The following DOCK2 variants were observed in gnomAD, a reference collection of about 807,000 sequenced individuals.
DOCK2 encodes the protein dedicator of cytokinesis 2, also known as dedicator of cytokinesis protein 2.
A neutral mutation model predicts 248.9 loss-of-function variants in DOCK2; 87 were observed. The observed-to-expected ratio is 0.35, with a 90% CI of 0.29 to 0.42. DOCK2 has a LOEUF of 0.42. DOCK2 is among the 10% of genes least tolerant of loss of function. The probability of loss-of-function intolerance (pLI) is 1.00; values close to 1 mark genes in which losing one functional copy is unlikely to be tolerated. For missense variants in DOCK2, 1,747 were observed against 2,300.2 expected, an observed-to-expected ratio of 0.76 and a Z score of 4.92; for synonymous variants, 805 against 821.6, an observed-to-expected ratio of 0.98 and a Z score of 0.35.
chr5:169,942,797 A>T (rs1270240200), intron 27 of DOCK2, among the ~76,000 whole-genome samples: 1 of 152,180 alleles, frequency 6.6e-6, no homozygotes, highest in Non-Finnish European at 1.5e-5. Flanking sequence ...ACTGTCAGGA[A>T]CCTCAGTCTT....
chr5:169,789,019 T>A (rs951504449), intron 25 of DOCK2, among the ~76,000 whole-genome samples: 9 of 152,186 alleles, frequency 5.9e-5, no homozygotes, highest in African/African-American at 2.2e-4. Context: ...TAGACCCCAG[T>A]GAGGGTTGTT....
At position 169,974,821 on chromosome 5, in the gene DOCK2, A is replaced by G. The variant is rs528700143; in HGVS notation, c.2800-8247A>G. Among the ~76,000 whole-genome samples the G allele has an allele frequency of 2.0e-5, 3 of 151,896 alleles. No homozygotes were observed. In the South Asian group the frequency reaches 6.2e-4, roughly 32 times the overall value. Reference sequence around the variant, plus strand: ...TTCTGAACCTGTTCTTTTTGCAATCATATTTGTGACCCCCCTCCCCCCGAC... The same window carrying G: ...TTCTGAACCTGTTCTTTTTGCAATCGTATTTGTGACCCCCCTCCCCCCGAC... On this transcript the variant is annotated intron_variant, in intron 27 of 51. Transcript: ENST00000520908.
intron 6 of DOCK2, among the ~76,000 whole-genome samples, chr5:169,679,879 A>G (rs778640258): frequency 6.6e-6 from 1 of 152,128 alleles, no homozygotes; most frequent in Non-Finnish European, 1.5e-5. Flanking sequence ...AGTTTCCTTC[A>G]TTTGTCCTTG....
At chr5:169,749,379 G>T (rs1402191119) in intron 23 of DOCK2, among the ~76,000 whole-genome samples, 1 of 152,120 alleles carries the variant, frequency 6.6e-6, no homozygotes, top group Non-Finnish European at 1.5e-5. Context: ...TGGGTAAAAA[G>T]ACTTATGCCA....
chr5:169,767,794 A>G (rs186611438), intron 25 of DOCK2, among the ~76,000 whole-genome samples: 1 of 152,384 alleles, frequency 6.6e-6, no homozygotes. Flanking sequence ...GCTCTGTATC[A>G]GGTATTACAT....
At chr5:169,697,474 G>A (rs2112705) in intron 10 of DOCK2, among the ~76,000 whole-genome samples, 18,495 of 152,170 alleles carry the variant, frequency 0.12, 1,364 homozygotes, top group South Asian at 0.21. Flanking sequence ...CATCTCCATA[G>A]TCTTTACTCT....
rs1416925922 is a variant in DOCK2, at chr5:170,050,237, G to A, written c.4072-19G>A. On this transcript the variant is annotated intron_variant, in intron 40 of 51. Transcript: ENST00000520908. ...ACACCTGGGTCCCCAAATCTCTAAT[G>A]AGCATCCTTTCTCTGCAGAACAAAG... The A allele has an allele frequency of 6.2e-7, 1 of 1,612,412 alleles. No individual in the cohort carries two copies. The highest frequency in any genetic ancestry group is 1.7e-5 in the Admixed American group (1 of 59,902).
chr5:169,698,184 G>A (rs1372882995), intron 10 of DOCK2, among the ~76,000 whole-genome samples, 190 bp from the exon 11 acceptor site: 1 of 152,062 alleles, frequency 6.6e-6, no homozygotes, highest in South Asian at 2.1e-4. Flanking sequence ...GGAGGTATTT[G>A]CCCTGGTGCT....
chr5:169,766,729 A>C (rs1184033793), intron 25 of DOCK2, among the ~76,000 whole-genome samples: 1 of 151,822 alleles, frequency 6.6e-6, no homozygotes, highest in Non-Finnish European at 1.5e-5. Context: ...TCCCCTTTTC[A>C]CCAAAACCTC....
chr5:169,877,635 C>T (rs938715656), intron 27 of DOCK2, among the ~76,000 whole-genome samples: 1 of 151,964 alleles, frequency 6.6e-6, no homozygotes, highest in African/African-American at 2.4e-5. Context: ...GAAATGTCTG[C>T]ATGTAGTTGC....
intron 29 of DOCK2, among the ~76,000 whole-genome samples, chr5:169,988,133 A>G (rs1410343411): frequency 6.6e-6 from 1 of 152,206 alleles, no homozygotes; most frequent in African/African-American, 2.4e-5. Context: ...GTCAACCAGA[A>G]AAGATTGCTT....
rs1757087545 is a variant in DOCK2, at chr5:170,055,373, G to A, written c.4282G>A (p.Asp1428Asn). 1.9e-6 allele frequency: 3 copies of A among 1,613,904 alleles called. No homozygotes were observed. The highest frequency in any genetic ancestry group is 2.5e-6 in the Non-Finnish European group (3 of 1,179,886). ...CAGGTTCAAGAATAAGCCAGTGCCT[G>A]ACCAGATTATAAAGTAAGACTCGTT... ...HPRFKNKPVP[D>N]QIINFYKSNY... The change falls in exon 42 of 52, where the codon GAC becomes AAC. Residue 1428 changes from aspartate (D) to asparagine (N), a missense_variant. Asp to Asn is a conservative substitution (Grantham distance 23). This residue lies in a region of DOCK2 where 513 missense variants were observed against 586.1 expected (regional missense o/e 0.88). Transcript: ENST00000520908.
rs765308265 is a variant in DOCK2, at chr5:170,067,480, C to T, written c.4468-30C>T. The T allele has an allele frequency of 8.1e-6, 13 of 1,600,390 alleles. No individual in the cohort carries two copies. The South Asian group carries it at 1.2e-4, about 15-fold the overall frequency. On this transcript the variant is annotated intron_variant, in intron 44 of 51. Coordinates refer to ENST00000520908, the MANE Select transcript of DOCK2 (RefSeq NM_004946.3). ...TTTTTAAAGTGACTTAACTAAGGCC[C>T]TTTCTTCTTGGTGATCTCATTTTCA...
chr5:170,003,659 C>A (rs1754918249), intron 30 of DOCK2, among the ~76,000 whole-genome samples: 1 of 152,204 alleles, frequency 6.6e-6, no homozygotes, highest in Non-Finnish European at 1.5e-5. Flanking sequence ...GGAGTCTGAG[C>A]AGACCAGGCC....
chr5:170,018,218 A>G (rs980188511), intron 32 of DOCK2, among the ~76,000 whole-genome samples: 1 of 152,232 alleles, frequency 6.6e-6, no homozygotes, highest in South Asian at 2.1e-4. Context: ...TGTTTAAGCT[A>G]AGATAGCACC....
At chr5:169,686,801 G>A (rs760115098) in intron 8 of DOCK2, among the ~76,000 whole-genome samples, 1 of 152,232 alleles carries the variant, frequency 6.6e-6, no homozygotes, top group Non-Finnish European at 1.5e-5. Context: ...GTAGATCCCT[G>A]AAGGGATCCT....
chr5:169,803,870 G>C (rs1043819677), intron 26 of DOCK2, among the ~76,000 whole-genome samples: 1 of 152,164 alleles, frequency 6.6e-6, no homozygotes, highest in Non-Finnish European at 1.5e-5. Flanking sequence ...GAGAGGTAGT[G>C]ATTAGACCCA....
At chr5:169,759,047 T>G (rs1764339327) in intron 23 of DOCK2, among the ~76,000 whole-genome samples, 1 of 152,340 alleles carries the variant, frequency 6.6e-6, no homozygotes, top group South Asian at 2.1e-4. Flanking sequence ...GCAAGTGGTG[T>G]TGCTATGCAG....
intron 32 of DOCK2, among the ~76,000 whole-genome samples, chr5:170,013,309 G>A (rs1439163188): frequency 6.6e-6 from 1 of 152,088 alleles, no homozygotes; most frequent in Non-Finnish European, 1.5e-5. Context: ...ACTGTGGTAG[G>A]CTCCCCAAAG....
Sources: gnomAD v4.1 joint callset for allele counts (sites outside exome capture counted in the v4.1 genomes callset) on GRCh38, gnomAD v4.1.1 for gene constraint, gnomAD v4.1.1 regional missense constraint, MANE v1.5 for transcripts, NCBI Gene and HGNC (gene_info 2026-07-23, HGNC 2026-07-21) for gene names.